The following COL24A1 variants were observed in gnomAD, a reference collection of about 807,000 sequenced individuals.
COL24A1 encodes the protein collagen alpha-1(XXIV) chain.
In COL24A1, 224 loss-of-function variants were observed where a neutral mutation model predicts 253.9. That is an observed-to-expected ratio of 0.88 (90% confidence interval 0.79 to 0.99). The LOEUF (loss-of-function observed/expected upper bound fraction) is 0.99. COL24A1 is among the 50% of genes least tolerant of loss of function. COL24A1 has a pLI of 0.00. For missense variants in COL24A1, 2,131 were observed against 2,068.5 expected, an observed-to-expected ratio of 1.03 and a Z score of -0.59; for synonymous variants, 685 against 673.7, an observed-to-expected ratio of 1.02 and a Z score of -0.26.
intron 24 of COL24A1, among the ~76,000 whole-genome samples, chr1:85,953,793 C>T (rs1052142426): frequency 1.3e-5 from 2 of 152,114 alleles, no homozygotes; most frequent in Non-Finnish European, 2.9e-5. Context: ...GTCACAGGCA[C>T]ATATACAGAA....
intron 8 of COL24A1, among the ~76,000 whole-genome samples, chr1:86,061,948 C>G (rs542004802): frequency 6.6e-6 from 1 of 151,984 alleles, no homozygotes; most frequent in African/African-American, 2.4e-5. Context: ...TTCAGAATTC[C>G]GGCACTGCTC....
chr1:85,843,995 A>G (rs969496476), intron 39 of COL24A1, among the ~76,000 whole-genome samples: 10 of 152,174 alleles, frequency 6.6e-5, no homozygotes, highest in Admixed American at 2.6e-4. Context: ...GTTTTCAGAA[A>G]TCAATGACTC....
intron 27 of COL24A1, 143 bp downstream of exon 27, chr1:85,908,455 T>C (rs1323672018): frequency 2.3e-5 from 11 of 476,740 alleles, no homozygotes. Flanking sequence ...CAAGAGTGTT[T>C]TGTATAGTTG....
intron 2 of COL24A1, among the ~76,000 whole-genome samples, chr1:86,131,863 T>C (rs1272834989): frequency 6.6e-6 from 1 of 152,210 alleles, no homozygotes; most frequent in Non-Finnish European, 1.5e-5. Flanking sequence ...TTATAATCTT[T>C]TGGGTATATA....
intron 4 of COL24A1, among the ~76,000 whole-genome samples, chr1:86,113,334 T>G (rs1705802916): frequency 6.6e-6 from 1 of 152,316 alleles, no homozygotes; most frequent in South Asian, 2.1e-4. Context: ...AAGCCTTCCA[T>G]GTCTCCAGGT....
chr1:86,009,568 A>G (rs1301516327), intron 19 of COL24A1, among the ~76,000 whole-genome samples: 1 of 152,206 alleles, frequency 6.6e-6, no homozygotes, highest in Non-Finnish European at 1.5e-5. Context: ...ATATAAACAT[A>G]GAAATGGTAC....
intron 28 of COL24A1, among the ~76,000 whole-genome samples, chr1:85,904,817 A>G (rs1321845650): frequency 6.6e-6 from 1 of 152,158 alleles, no homozygotes; most frequent in Admixed American, 6.6e-5. Context: ...ATGGTACTTC[A>G]AAAGCCATCA....
chr1:85,982,601 A>G (rs1226990195), intron 20 of COL24A1, among the ~76,000 whole-genome samples: 1 of 151,650 alleles, frequency 6.6e-6, no homozygotes, highest in African/African-American at 2.4e-5. Context: ...TCTGACTAAA[A>G]TCCCAACTTC....
chr1:85,875,354 T>G, intron 33 of COL24A1, 24 bp from the exon 34 acceptor site: 1 of 1,596,460 alleles, frequency 6.3e-7, no homozygotes, highest in Non-Finnish European at 8.6e-7. Context: ...ATTTAACACA[T>G]TACAAAGGCA....
chr1:85,807,328 G>C (rs1672081971), intron 47 of COL24A1, among the ~76,000 whole-genome samples: 1 of 152,198 alleles, frequency 6.6e-6, no homozygotes. Flanking sequence ...AGGGCTCAAA[G>C]AGCATTCTTT....
At chr1:85,737,104 T>G (rs1310823771) in intron 58 of COL24A1, among the ~76,000 whole-genome samples, 1 of 152,184 alleles carries the variant, frequency 6.6e-6, no homozygotes, top group Non-Finnish European at 1.5e-5. Flanking sequence ...AATGTGTGTG[T>G]ATGCATAAAA....
chr1:86,073,966 T>A (rs1702063016), intron 7 of COL24A1, among the ~76,000 whole-genome samples: 1 of 151,932 alleles, frequency 6.6e-6, no homozygotes, highest in Admixed American at 6.6e-5. Flanking sequence ...GAGGGAGCAT[T>A]AAATATGGAA....
intron 19 of COL24A1, among the ~76,000 whole-genome samples, chr1:86,009,425 GATAGT>G (rs1424951990): frequency 6.6e-6 from 1 of 152,124 alleles, no homozygotes; most frequent in East Asian, 1.9e-4. Context: ...CACAGACCTA[GATAGT>G]ATAGTCTACT....
chr1:85,833,945 A>T (rs1247333796), intron 43 of COL24A1, among the ~76,000 whole-genome samples: 1 of 121,388 alleles, frequency 8.2e-6, no homozygotes, highest in East Asian at 2.8e-4. Context: ...GAAGGGGAAC[A>T]TCACACTCTG....
At chr1:85,984,949 A>C (rs1319950966) in intron 20 of COL24A1, among the ~76,000 whole-genome samples, 1 of 151,750 alleles carries the variant, frequency 6.6e-6, no homozygotes, top group East Asian at 1.9e-4. Context: ...TATTTCCAAA[A>C]CACTTTTTAA....
At chr1:85,877,357 T>C (rs1681296380) in intron 32 of COL24A1, among the ~76,000 whole-genome samples, 182 bp from the exon 33 acceptor site, 1 of 152,230 alleles carries the variant, frequency 6.6e-6, no homozygotes. Flanking sequence ...TTGATTCATG[T>C]ATGTGTGTGT....
intron 9 of COL24A1, 100 bp downstream of exon 9, chr1:86,059,021 T>G: frequency 1.4e-6 from 1 of 704,726 alleles, no homozygotes; most frequent in Non-Finnish European, 2.2e-6. Context: ...TATTCATTAT[T>G]TAATAAAAAA....
chr1:85,911,350 T>A (rs1358672689), intron 25 of COL24A1, 30 bp downstream of exon 25: 5 of 1,583,524 alleles, frequency 3.2e-6, no homozygotes, highest in Non-Finnish European at 2.6e-6. Flanking sequence ...GATTTCTTCC[T>A]ATAAAACAAA....
At chr1:86,114,189 A>C (rs1705900315) in intron 4 of COL24A1, among the ~76,000 whole-genome samples, 1 of 152,178 alleles carries the variant, frequency 6.6e-6, no homozygotes, top group Non-Finnish European at 1.5e-5. Context: ...GATGAGGTGA[A>C]ATTAGGAACA....
Sources: gnomAD v4.1 joint callset for allele counts (sites outside exome capture counted in the v4.1 genomes callset) on GRCh38, gnomAD v4.1.1 for gene constraint, MANE v1.5 for transcripts, NCBI Gene and HGNC (gene_info 2026-07-23, HGNC 2026-07-21) for gene names.